KIF1B: variants seen among roughly 807,000 people sequenced by gnomAD.
The protein encoded by KIF1B is kinesin family member 1B.
A neutral mutation model predicts 241.9 loss-of-function variants in KIF1B; 76 were observed. The ratio of observed to expected loss-of-function variants is 0.31; its 90% CI spans 0.26 to 0.38. The LOEUF is 0.38. Among genes scored for constraint, KIF1B ranks in the 10% least tolerant of loss-of-function variants. KIF1B has a pLI of 1.00. For synonymous variants in KIF1B, 750 were observed against 796.7 expected (o/e 0.94, Z 0.99); for missense variants, 1,622 against 2,271.4 (o/e 0.71, Z 5.81).
intron 4 of KIF1B, among the ~76,000 whole-genome samples, chr1:10,259,639 A>G (rs1023692257): frequency 1.3e-5 from 2 of 151,930 alleles, no homozygotes; most frequent in Middle Eastern, 3.4e-3. Context: ...AGTAGCTGGG[A>G]CAATAGGCAC....
intron 17 of KIF1B, among the ~76,000 whole-genome samples, chr1:10,294,038 G>C (rs998738344): frequency 8.5e-5 from 13 of 152,296 alleles, no homozygotes; most frequent in Non-Finnish European, 8.8e-5. Flanking sequence ...TAGTTGAGAA[G>C]ATGTGGAGGT....
chr1:10,372,979 A>AT (rs77889357), intron 45 of KIF1B, among the ~76,000 whole-genome samples: 64 of 144,950 alleles, frequency 4.4e-4, no homozygotes, highest in African/African-American at 1.3e-3. Flanking sequence ...ATGCCCAGCT[A>AT]TTTTTTTTTT....
intron 11 of KIF1B, 61 bp from the exon 12 acceptor site, chr1:10,276,260 A>G (rs1330118948): frequency 2.9e-6 from 3 of 1,051,852 alleles, no homozygotes; most frequent in East Asian, 2.4e-5. Context: ...GATTTGACAC[A>G]TTCCATAAAA....
chr1:10,334,236 A>G (rs1031232466), intron 27 of KIF1B, among the ~76,000 whole-genome samples: 2 of 151,314 alleles, frequency 1.3e-5, no homozygotes, highest in Non-Finnish European at 2.9e-5. Flanking sequence ...AGTATCTTGA[A>G]AGTCTGCTTC....
At chr1:10,375,084 G>GTTCTTAT in intron 47 of KIF1B, 38 bp downstream of exon 47, 1 of 1,601,624 alleles carries the variant, frequency 6.2e-7, no homozygotes, top group South Asian at 1.1e-5. Flanking sequence ...ATTGCCACGT[G>GTTCTTAT]TGCCCTTCTC....
chr1:10,367,249 C>T (rs907429621), intron 43 of KIF1B, among the ~76,000 whole-genome samples: 1 of 151,270 alleles, frequency 6.6e-6, no homozygotes, highest in African/African-American at 2.4e-5. Flanking sequence ...GCATGTGCCA[C>T]CACACCTGGC....
chr1:10,282,978 G>C (rs543875191), intron 15 of KIF1B, among the ~76,000 whole-genome samples: 1 of 151,888 alleles, frequency 6.6e-6, no homozygotes, highest in African/African-American at 2.4e-5. Context: ...AGGCCGAGGC[G>C]GGGTGGATCA....
At chr1:10,357,334 T>TACA (rs1378728727) in intron 38 of KIF1B, among the ~76,000 whole-genome samples, 1 of 152,242 alleles carries the variant, frequency 6.6e-6, no homozygotes, top group Non-Finnish European at 1.5e-5. Context: ...TTAGGAGGCA[T>TACA]ACAGGAAAAT....
intron 7 of KIF1B, among the ~76,000 whole-genome samples, 195 bp downstream of exon 7, chr1:10,268,458 G>A (rs920646814): frequency 3.9e-5 from 6 of 152,108 alleles, no homozygotes; most frequent in African/African-American, 1.4e-4. Context: ...CTTAAATGAA[G>A]TTGTAAGATA....
At chr1:10,360,788 C>T in intron 38 of KIF1B, 141 bp from the exon 39 acceptor site, 1 of 715,598 alleles carries the variant, frequency 1.4e-6, no homozygotes, top group South Asian at 1.5e-5. Context: ...ATAAGGGTTC[C>T]TCTCTGTTAT....
intron 2 of KIF1B, among the ~76,000 whole-genome samples, chr1:10,234,371 C>T (rs1379724519): frequency 1.3e-5 from 2 of 152,014 alleles, no homozygotes; most frequent in African/African-American, 4.8e-5. Flanking sequence ...CTATGCCTGG[C>T]TAATTTTTGT....
At chr1:10,240,721 ATTTTTTTTTT>A (rs34449939) in intron 2 of KIF1B, among the ~76,000 whole-genome samples, 2 of 110,094 alleles carry the variant, frequency 1.8e-5, no homozygotes, top group African/African-American at 3.4e-5. Context: ...TGGGTAGTTC[ATTTTTTTTTT>A]TTTTTTTTTT....
At chr1:10,256,737 A>G (rs959466262) in intron 3 of KIF1B, among the ~76,000 whole-genome samples, 4 of 151,198 alleles carry the variant, frequency 2.6e-5, no homozygotes, top group African/African-American at 9.7e-5. Flanking sequence ...TCTGAGACGG[A>G]GTCTCACTCT....
At position 10,313,839 on chromosome 1, in the gene KIF1B, C is replaced by T. The variant is rs114085198; in HGVS notation, c.2116-6204C>T. On this transcript the variant is annotated intron_variant, in intron 22 of 48. Coordinates refer to ENST00000676179, the MANE Select transcript of KIF1B (RefSeq NM_001365951.3). ...TGTTGAGATTACAGGCGTGAGCCACCGTGCTTGGCCATTAGGATTTCTTAT... is the reference window on the plus strand; with the variant it reads ...TGTTGAGATTACAGGCGTGAGCCACTGTGCTTGGCCATTAGGATTTCTTAT... 2.2e-3 allele frequency among the ~76,000 whole-genome samples: 338 copies of T among 151,312 alleles called. 13 individuals carry two copies. Among genetic ancestry groups the T allele is most frequent in the African/African-American group, 7.6e-3 (311 of 40,764 alleles).
chr1:10,303,145 G>A lies in KIF1B; in HGVS notation c.2115+5899G>A. ...TTTGGTTATTTTGGGGCCATTTTTT[G>A]ATTTTGTTTTTCCAAAGGACGCGGA... is the stretch of plus-strand genomic sequence containing the variant. On this transcript the variant is annotated intron_variant, in intron 22 of 48. Coordinates refer to ENST00000676179, the MANE Select transcript of KIF1B (RefSeq NM_001365951.3). The surrounding 1 kb of genome is among the most constrained non-coding windows in gnomAD (Gnocchi z 5.2). 1.3e-6 allele frequency: 2 copies of A among 1,589,930 alleles called. No individual in the cohort carries two copies. The highest frequency in any genetic ancestry group is 1.7e-6 in the Non-Finnish European group (2 of 1,170,686).
chr1:10,348,678 T>C lies in KIF1B; in HGVS notation c.3894T>C (p.Ile1298=). The change falls in exon 37 of 49, where the codon ATT becomes ATC. Residue 1298 remains isoleucine (I), a synonymous_variant. Transcript: ENST00000676179. The stretch of plus-strand genomic sequence containing the variant: ...TCCAGCGAAGGATCACAGTGACCAT[T>C]ATCCATGAGAAGGGGAGCGAGCTCC... ...QGIQRRITVT[I]IHEKGSELHW... 3 of 1,614,150 alleles carry C rather than the reference T, an allele frequency of 1.9e-6. No homozygotes were observed. The highest frequency in any genetic ancestry group is 2.5e-6 in the Non-Finnish European group (3 of 1,180,000).
intron 47 of KIF1B, 53 bp from the exon 48 acceptor site, chr1:10,375,202 C>A: frequency 1.3e-6 from 2 of 1,509,754 alleles, no homozygotes; most frequent in Non-Finnish European, 1.8e-6. Flanking sequence ...GCAAGGCAGT[C>A]CCCATTGCTG....
At chr1:10,291,388 A>G (rs1284291995) in intron 16 of KIF1B, among the ~76,000 whole-genome samples, 2 of 152,188 alleles carry the variant, frequency 1.3e-5, no homozygotes, top group Non-Finnish European at 2.9e-5. Context: ...ATTAGTTACC[A>G]TATTACATGT....
At chr1:10,357,837 C>T (rs1190777578) in intron 38 of KIF1B, among the ~76,000 whole-genome samples, 2 of 151,864 alleles carry the variant, frequency 1.3e-5, no homozygotes, top group African/African-American at 2.4e-5. Context: ...GGTGAAACCC[C>T]ATCTCTACTA....
Sources: gnomAD v4.1 joint callset for allele counts (sites outside exome capture counted in the v4.1 genomes callset) on GRCh38, gnomAD v4.1.1 for gene constraint, Gnocchi (gnomAD v3.1) non-coding constraint, MANE v1.5 for transcripts, NCBI Gene and HGNC (gene_info 2026-07-23, HGNC 2026-07-21) for gene names.